Variants in HDAC4 observed in about 807,000 individuals in gnomAD.
HDAC4 encodes the protein histone deacetylase A.
A neutral mutation model predicts 135.1 loss-of-function variants in HDAC4; 16 were observed. That is an observed-to-expected ratio of 0.12 (90% CI 0.08 to 0.18). The LOEUF is 0.18. HDAC4 is among the 10% of genes least tolerant of loss of function. The pLI is 1.00. For missense variants in HDAC4, 1,143 were observed against 1,511.8 expected (o/e 0.76, Z 4.05); for synonymous variants, 685 against 653.4 (o/e 1.05, Z -0.74).
rs2030614444 is a variant in HDAC4 at position 239,050,136 on chromosome 2, T to G, written c.*2961A>C. ...TGTCTTCAAAGAAAAGGCTACACAGTAATGCTCTCAGCACATTTGTGAAGC... is the reference window on the plus strand; with the variant it reads ...TGTCTTCAAAGAAAAGGCTACACAGGAATGCTCTCAGCACATTTGTGAAGC... On this transcript the variant is annotated 3_prime_UTR_variant, in exon 27 of 27. Transcript: ENST00000543185. 6.6e-6 allele frequency: 1 copy of G among 152,556 alleles called. No homozygotes were observed. The highest frequency in any genetic ancestry group is 1.5e-5 in the Non-Finnish European group (1 of 68,056). 9.5% of individuals were successfully genotyped at this position (152,556 alleles called of 1,614,324 possible).
chr2:239,375,803 G>A (rs1337043599), intron 1 of HDAC4, among the ~76,000 whole-genome samples: 3 of 152,198 alleles, frequency 2.0e-5, no homozygotes, highest in Admixed American at 1.3e-4. Flanking sequence ...GGGAGTCTGG[G>A]CTCCCTCAAC....
At chr2:239,143,131 A>G (rs945804704) in intron 8 of HDAC4, among the ~76,000 whole-genome samples, 2 of 152,166 alleles carry the variant, frequency 1.3e-5, no homozygotes, top group Non-Finnish European at 2.9e-5. Context: ...ACTCTGTCTC[A>G]CTATTTTTGC....
At chr2:239,230,781 G>T (rs879563234) in intron 3 of HDAC4, among the ~76,000 whole-genome samples, 1 of 152,166 alleles carries the variant, frequency 6.6e-6, no homozygotes, top group Non-Finnish European at 1.5e-5. Flanking sequence ...AACAGCTTCC[G>T]GTGCCAATAA....
At chr2:239,289,564 A>G (rs1477265952) in intron 2 of HDAC4, among the ~76,000 whole-genome samples, 1 of 149,966 alleles carries the variant, frequency 6.7e-6, no homozygotes, top group Non-Finnish European at 1.5e-5. Flanking sequence ...AAGAATAAAA[A>G]GACAGGAGGA....
In HDAC4 at chr2:239,319,997, G is replaced by T. The variant is rs2053252971; in HGVS notation, c.22+32681C>A. 2.0e-5 allele frequency among the ~76,000 whole-genome samples: 3 copies of T among 151,240 alleles called. No homozygotes were observed. The South Asian group carries it at 6.3e-4, about 32-fold the overall frequency. The stretch of plus-strand genomic sequence containing the variant: ...TCACTGCTATTGTATTGCTTTAAAT[G>T]ATGCAGATAATGTCTATGAATTGTT... On this transcript the variant is annotated intron_variant, in intron 2 of 26. Transcript: ENST00000543185.
chr2:239,089,728 C>CTTT (rs372528457), intron 18 of HDAC4: 146 of 293,658 alleles, frequency 5.0e-4, no homozygotes, highest in African/African-American at 3.5e-3. Flanking sequence ...CTCTTTGGAG[C>CTTT]TTTTTTTTTT....
intron 2 of HDAC4, among the ~76,000 whole-genome samples, chr2:239,255,321 G>A (rs966881283): frequency 6.6e-6 from 1 of 151,906 alleles, no homozygotes; most frequent in African/African-American, 2.4e-5. Context: ...GTGTGTGTGT[G>A]TGTGTTTCAA....
intron 14 of HDAC4, among the ~76,000 whole-genome samples, chr2:239,111,200 T>C (rs547265937): frequency 3.8e-4 from 58 of 152,360 alleles, no homozygotes; most frequent in African/African-American, 1.4e-3. Flanking sequence ...TCATGATTCC[T>C]GAGCCGGACC....
chr2:239,369,756 G>A (rs980572379), intron 1 of HDAC4, among the ~76,000 whole-genome samples: 4 of 152,094 alleles, frequency 2.6e-5, no homozygotes, highest in Non-Finnish European at 2.9e-5. Flanking sequence ...CAGCAGGCCT[G>A]GGCCACCTTC....
chr2:239,117,565 C>CAA (rs34154007), intron 12 of HDAC4, among the ~76,000 whole-genome samples: 58 of 116,258 alleles, frequency 5.0e-4, no homozygotes, highest in Middle Eastern at 5.0e-3. Flanking sequence ...CGGGAAGTGG[C>CAA]AAAAAAAAAA....
At chr2:239,336,264 G>C (rs1340120997) in intron 2 of HDAC4, among the ~76,000 whole-genome samples, 1 of 152,166 alleles carries the variant, frequency 6.6e-6, no homozygotes, top group Non-Finnish European at 1.5e-5. Context: ...CTGGGTGTTG[G>C]GATGTCCCAT....
chr2:239,249,005 C>T lies in HDAC4; in HGVS notation c.23-12341G>A, dbSNP rs76591576. ...GGTGATGACACGTAAATTAGAAGACCGTGTGGGATCACGTGCTGGAATAAC... is the reference window on the plus strand; with the variant it reads ...GGTGATGACACGTAAATTAGAAGACTGTGTGGGATCACGTGCTGGAATAAC... On this transcript the variant is annotated intron_variant, in intron 2 of 26. Coordinates refer to ENST00000543185, the MANE Select transcript of HDAC4 (RefSeq NM_001378414.1). Among the ~76,000 whole-genome samples the T allele has an allele frequency of 4.4e-3, 677 of 152,354 alleles. 4 individuals carry two copies. The highest frequency in any genetic ancestry group is 0.015 in the African/African-American group (636 of 41,574).
chr2:239,288,513 C>T (rs753914925), intron 2 of HDAC4, among the ~76,000 whole-genome samples: 3 of 151,954 alleles, frequency 2.0e-5, no homozygotes, highest in Non-Finnish European at 4.4e-5. Flanking sequence ...AAACTAGCAT[C>T]GTTACTTTAA....
rs534538989 is a variant in HDAC4 at position 239,342,229 on chromosome 2, A to G, written c.22+10449T>C. Among the ~76,000 whole-genome samples, 1,466 of 152,252 alleles carry G rather than the reference A, an allele frequency of 9.6e-3. 30 individuals carry two copies. The highest frequency in any genetic ancestry group is 0.033 in the African/African-American group (1,376 of 41,544). On this transcript the variant is annotated intron_variant, in intron 2 of 26. Coordinates refer to ENST00000543185, the MANE Select transcript of HDAC4 (RefSeq NM_001378414.1). ...TAAGCATTTTAAAATTTAAAATTAAAAAAAAAAAACTGGCTCCAATCACAA... is the reference window on the plus strand; with the variant it reads ...TAAGCATTTTAAAATTTAAAATTAAGAAAAAAAAACTGGCTCCAATCACAA...
intron 8 of HDAC4, among the ~76,000 whole-genome samples, chr2:239,144,036 C>T (rs563775473): frequency 1.3e-5 from 2 of 152,124 alleles, no homozygotes; most frequent in African/African-American, 4.8e-5. Context: ...GGGGTCTGCT[C>T]GGTCTTGTCC....
chr2:239,096,927 T>C (rs953969153), intron 16 of HDAC4, among the ~76,000 whole-genome samples: 7 of 152,072 alleles, frequency 4.6e-5, no homozygotes, highest in Non-Finnish European at 1.0e-4. Context: ...GGAGCTGCCA[T>C]GCCAACAGGG....
chr2:239,124,712 C>T (rs1182370198), intron 12 of HDAC4, among the ~76,000 whole-genome samples: 3 of 103,270 alleles, frequency 2.9e-5, no homozygotes, highest in African/African-American at 3.7e-5. Flanking sequence ...TGTTATGTGA[C>T]ATTCTGGTGT....
intron 3 of HDAC4, among the ~76,000 whole-genome samples, chr2:239,233,818 AC>A (rs1324369717): frequency 6.6e-6 from 1 of 152,260 alleles, no homozygotes; most frequent in Non-Finnish European, 1.5e-5. Flanking sequence ...GCGAGCTCTC[AC>A]AGTGACTGCT....
At chr2:239,396,636 G>A (rs843463) in intron 1 of HDAC4, among the ~76,000 whole-genome samples, 151,141 of 152,344 alleles carry the variant, frequency 0.99, 74,974 homozygotes, top group East Asian at 1. Flanking sequence ...TATATTGACT[G>A]TTAAGCTTAC....
Sources: gnomAD v4.1 joint callset for allele counts (sites outside exome capture counted in the v4.1 genomes callset) on GRCh38, gnomAD v4.1.1 for gene constraint, MANE v1.5 for transcripts, NCBI Gene and HGNC (gene_info 2026-07-23, HGNC 2026-07-21) for gene names.